NRG3: variants seen among roughly 807,000 people sequenced by gnomAD.
NRG3 encodes pro-neuregulin-3, membrane-bound isoform.
Under a neutral mutation model 66.9 loss-of-function variants are expected in NRG3, and 31 were observed. The observed-to-expected ratio is 0.46, with a 90% CI of 0.35 to 0.63. NRG3 has a LOEUF of 0.63. Ranked by LOEUF, NRG3 falls within the 20% of genes least tolerant of loss-of-function variation. The pLI, the probability that NRG3 is intolerant of heterozygous loss-of-function variation, is 0.00. For missense variants in NRG3, 910 were observed against 878.9 expected (o/e 1.04, Z -0.45); for synonymous variants, 393 against 359.4 (o/e 1.09, Z -1.06).
chr10:82,166,590 T>C (rs2072076327), intron 1 of NRG3: 1 of 298,114 alleles, frequency 3.4e-6, no homozygotes, highest in Admixed American at 4.9e-5. Context: ...ATTATTTTTG[T>C]TTAAGCAATC....
intron 1 of NRG3, among the ~76,000 whole-genome samples, chr10:82,065,574 A>T (rs773956721): frequency 4.6e-5 from 7 of 152,132 alleles, no homozygotes; most frequent in African/African-American, 1.4e-4. Flanking sequence ...TTAAAAAAAA[A>T]TTTGCTGAAT....
At chr10:82,699,871 G>A (rs2055720275) in intron 2 of NRG3, among the ~76,000 whole-genome samples, 1 of 152,080 alleles carries the variant, frequency 6.6e-6, no homozygotes, top group Non-Finnish European at 1.5e-5. Context: ...GTGTGTGTGT[G>A]TGTGTGTGTG....
At chr10:82,725,229 C>T (rs2494023) in intron 2 of NRG3, among the ~76,000 whole-genome samples, 1 of 151,918 alleles carries the variant, frequency 6.6e-6, no homozygotes, top group Non-Finnish European at 1.5e-5. Context: ...TTCTGGCCAG[C>T]ATGCTGGTAT....
At chr10:82,002,151 C>T (rs568416869) in intron 1 of NRG3, among the ~76,000 whole-genome samples, 3 of 152,258 alleles carry the variant, frequency 2.0e-5, no homozygotes, top group South Asian at 2.1e-4. Flanking sequence ...TTAAGACTAG[C>T]AAGACTTCAC....
chr10:82,424,317 G>A (rs1201678592), intron 2 of NRG3, among the ~76,000 whole-genome samples: 1 of 151,920 alleles, frequency 6.6e-6, no homozygotes, highest in Non-Finnish European at 1.5e-5. Flanking sequence ...AGTTATTATT[G>A]TCTGCCTTTT....
chr10:82,891,862 A>T (rs765569180), intron 4 of NRG3, among the ~76,000 whole-genome samples: 1 of 152,078 alleles, frequency 6.6e-6, no homozygotes, highest in Non-Finnish European at 1.5e-5. Context: ...CTCAGAATGA[A>T]AGCTTTTAAC....
rs181538563 is a variant in NRG3 at position 82,253,397 on chromosome 10, A to G, written c.824-105342A>G. ...ACCAAGAAGTTGTAGACAATCACACAATGGGGGAGCTTGGCTGTATTGTTT... is the reference window on the plus strand; with the variant it reads ...ACCAAGAAGTTGTAGACAATCACACGATGGGGGAGCTTGGCTGTATTGTTT... On this transcript the variant is annotated intron_variant, in intron 1 of 8. Coordinates refer to ENST00000372141, the MANE Select transcript of NRG3 (RefSeq NM_001010848.4). Among the ~76,000 whole-genome samples, 5 of 152,230 alleles carry G rather than the reference A, an allele frequency of 3.3e-5. No homozygotes were observed. The East Asian group carries it at 9.7e-4, about 30-fold the overall frequency.
chr10:82,141,549 T>A lies in NRG3; in HGVS notation c.824-217190T>A, dbSNP rs180880914. ...ACAAGGCCCAGGCTTACTTTTTGAT[T>A]CAGTGATGGTGAATTGATGGACTAT... On this transcript the variant is annotated intron_variant, in intron 1 of 8. Transcript: ENST00000372141. Among the ~76,000 whole-genome samples, 70 of 152,278 alleles carry A rather than the reference T, an allele frequency of 4.6e-4. 1 individual carries two copies. Among genetic ancestry groups the A allele is most frequent in the African/African-American group, 1.7e-3 (70 of 41,566 alleles).
At chr10:82,881,220 C>T (rs1564598084) in intron 4 of NRG3, among the ~76,000 whole-genome samples, 1 of 152,144 alleles carries the variant, frequency 6.6e-6, no homozygotes, top group Non-Finnish European at 1.5e-5. Context: ...TATTTTAAAG[C>T]CAAGTTCCTA....
In NRG3 at chr10:82,937,941, G is replaced by A. The variant is rs371071049; in HGVS notation, c.1055-13528G>A. Among the ~76,000 whole-genome samples the A allele has an allele frequency of 5.0e-3, 766 of 152,108 alleles. 6 individuals are homozygous for A. Among genetic ancestry groups the A allele is most frequent in the Non-Finnish European group, 8.4e-3 (574 of 67,986 alleles). On this transcript the variant is annotated intron_variant, in intron 4 of 8. Coordinates refer to ENST00000372141, the MANE Select transcript of NRG3 (RefSeq NM_001010848.4). The stretch of plus-strand genomic sequence containing the variant: ...GAAATGAGCTGTAAGTCTCATATAC[G>A]GTAAGTCTCATATAAAAAGCCCCAC...
intron 3 of NRG3, among the ~76,000 whole-genome samples, chr10:82,745,957 T>G (rs2058625509): frequency 6.6e-6 from 1 of 152,252 alleles, no homozygotes; most frequent in African/African-American, 2.4e-5. Context: ...AATGGCATGA[T>G]CTTGGCTCAC....
In NRG3 at chr10:82,548,491, GACAA is replaced by G. The variant is rs1033748747; in HGVS notation, c.953+189629_953+189632del. Among the ~76,000 whole-genome samples, 18 of 149,172 alleles carry G rather than the reference GACAA, an allele frequency of 1.2e-4. No individual in the cohort carries two copies. The Admixed American group carries it at 1.2e-3, about 10-fold the overall frequency. On this transcript the variant is annotated intron_variant, in intron 2 of 8. Transcript: ENST00000372141. Reference sequence around the variant, plus strand: ...ATAGCTTCAACAATAGCAATAATAAGACAAACAAAATACACAAATACATTCTGTC... The same window carrying G: ...ATAGCTTCAACAATAGCAATAATAAGACAAAATACACAAATACATTCTGTC...
chr10:81,914,302 G>C (rs903097776), intron 1 of NRG3, among the ~76,000 whole-genome samples: 25 of 152,086 alleles, frequency 1.6e-4, no homozygotes, highest in African/African-American at 5.8e-4. Context: ...CAACTCCAAG[G>C]ACCATGCCCA....
intron 2 of NRG3, among the ~76,000 whole-genome samples, chr10:82,567,200 TTCTG>T (rs2045463447): frequency 6.6e-6 from 1 of 151,950 alleles, no homozygotes; most frequent in Non-Finnish European, 1.5e-5. Flanking sequence ...TTAGCTCCCA[TTCTG>T]TCTATGAGGA....
chr10:82,931,462 C>A (rs1275952986), intron 4 of NRG3, among the ~76,000 whole-genome samples: 1 of 152,096 alleles, frequency 6.6e-6, no homozygotes, highest in Admixed American at 6.6e-5. Flanking sequence ...GATCTTCAGA[C>A]CTCAGAAAAG....
At chr10:81,916,902 A>G (rs533246506) in intron 1 of NRG3, among the ~76,000 whole-genome samples, 2 of 152,326 alleles carry the variant, frequency 1.3e-5, no homozygotes, top group South Asian at 4.1e-4. Flanking sequence ...AATAGGCACT[A>G]TTATTATCTC....
chr10:82,816,134 G>A (rs1159364391), intron 3 of NRG3, among the ~76,000 whole-genome samples: 1 of 152,364 alleles, frequency 6.6e-6, no homozygotes, highest in Non-Finnish European at 1.5e-5. Context: ...TCCCTGAACG[G>A]CCACAGCTCT....
intron 1 of NRG3, among the ~76,000 whole-genome samples, chr10:82,079,586 G>C (rs867972962): frequency 2.0e-5 from 3 of 152,140 alleles, no homozygotes; most frequent in Non-Finnish European, 2.9e-5. Context: ...ATACAGAATA[G>C]TTTCATTGCC....
In NRG3 at chr10:82,976,904, A is replaced by G. The variant is rs186880224; in HGVS notation, c.1413-2046A>G. ...GCTCCCTCTCCTTGTCCCTTAAGTC[A>G]GAGGGATAATAACAGCTTCCCATAG... On this transcript the variant is annotated intron_variant, in intron 7 of 8. Coordinates refer to ENST00000372141, the MANE Select transcript of NRG3 (RefSeq NM_001010848.4). Among the ~76,000 whole-genome samples, 38 of 152,258 alleles carry G rather than the reference A, an allele frequency of 2.5e-4. No individual in the cohort carries two copies. In the East Asian group the frequency reaches 6.6e-3, roughly 26 times the overall value.
Sources: allele counts gnomAD v4.1 joint callset (sites outside exome capture counted in the v4.1 genomes callset), GRCh38; gene constraint gnomAD v4.1.1; transcripts MANE v1.5; gene names NCBI Gene and HGNC (gene_info 2026-07-23, HGNC 2026-07-21).